The following KALRN variants were observed in gnomAD, a reference collection of about 807,000 sequenced individuals.
KALRN encodes kalirin RhoGEF kinase, also known as kalirin.
In KALRN, 70 loss-of-function variants were observed where a neutral mutation model predicts 353.7. The ratio of observed to expected loss-of-function variants is 0.20; its 90% CI spans 0.16 to 0.24. The LOEUF is 0.24. Among genes scored for constraint, KALRN ranks in the 10% least tolerant of loss-of-function variants. KALRN has a pLI of 1.00. For synonymous variants in KALRN, 1,391 were observed against 1,434.8 expected (o/e 0.97, Z 0.69); for missense variants, 2,791 against 3,756.7 (o/e 0.74, Z 6.72).
intron 33 of KALRN, among the ~76,000 whole-genome samples, chr3:124,513,464 G>A (rs556635672): frequency 7.0e-4 from 107 of 152,278 alleles, no homozygotes; most frequent in Admixed American, 1.2e-3. Flanking sequence ...TAGGGAAAGC[G>A]TTTGCCACTG....
At chr3:124,400,705 T>G (rs1341656053) in intron 13 of KALRN, among the ~76,000 whole-genome samples, 1 of 152,204 alleles carries the variant, frequency 6.6e-6, no homozygotes, top group Non-Finnish European at 1.5e-5. Flanking sequence ...TAATATGGAT[T>G]GAGATGTACA....
chr3:124,329,782 A>G lies in KALRN; in HGVS notation c.1285-79A>G, dbSNP rs1287633857. ...AAGTCCTGATGTTTCTTCCCAAGGT[A>G]TCTGACCCTCTCTCCATAATCCACC... On this transcript the variant is annotated intron_variant, in intron 7 of 59. Transcript: ENST00000682506. 5 of 1,500,836 alleles carry G rather than the reference A, an allele frequency of 3.3e-6. No individual in the cohort carries two copies. The East Asian group carries it at 1.2e-4, about 35-fold the overall frequency. The allele number at this position is 1,500,836 out of a possible 1,614,324, so 93.0% of individuals were successfully genotyped here. A position where few individuals can be genotyped will look rare whatever the true frequency, so the allele number is the denominator to read the frequency against.
intron 1 of KALRN, among the ~76,000 whole-genome samples, chr3:124,212,235 T>A (rs1313423112): frequency 1.3e-5 from 2 of 149,346 alleles, no homozygotes; most frequent in East Asian, 1.9e-4. Flanking sequence ...AAAAAAAAAA[T>A]GAAATATCCC....
chr3:124,066,201 C>G (rs529949988), intron 1 of KALRN, among the ~76,000 whole-genome samples: 5 of 152,164 alleles, frequency 3.3e-5, no homozygotes, highest in African/African-American at 1.2e-4. Flanking sequence ...AGAGTTCTAG[C>G]CATTATGATT....
In KALRN at chr3:124,462,528, A is replaced by G; in HGVS notation, c.3926A>G (p.Tyr1309Cys). The G allele has an allele frequency of 6.3e-7, 1 of 1,592,952 alleles. No individual in the cohort carries two copies. The change falls in exon 25 of 60, where the codon TAC (tyrosine) becomes TGC (cysteine). Residue 1309 changes from tyrosine to cysteine, a missense_variant. Tyr to Cys is a radical substitution (Grantham distance 194). Transcript: ENST00000682506. ...VRDLHECLET[Y>C]LWEMTSGVEE... Reference sequence around the variant, plus strand: ...GAAACTGTTACTGTCTTACAGACCTACCTGTGGGAAATGACCAGTGGTGTG... The same window carrying G: ...GAAACTGTTACTGTCTTACAGACCTGCCTGTGGGAAATGACCAGTGGTGTG...
chr3:124,457,441 A>C (rs1373797683), intron 23 of KALRN, among the ~76,000 whole-genome samples: 1 of 152,144 alleles, frequency 6.6e-6, no homozygotes, highest in Non-Finnish European at 1.5e-5. Context: ...TTATTTGCAA[A>C]AACTTCCCAT....
intron 1 of KALRN, among the ~76,000 whole-genome samples, chr3:124,086,717 G>A (rs774782245): frequency 2.6e-5 from 4 of 152,052 alleles, no homozygotes; most frequent in Admixed American, 6.5e-5. Context: ...TACTCACAGT[G>A]TTCAAAAATT....
At chr3:124,057,030 A>G (rs1024765646) in intron 1 of KALRN, among the ~76,000 whole-genome samples, 4 of 152,190 alleles carry the variant, frequency 2.6e-5, no homozygotes, top group Non-Finnish European at 5.9e-5. Flanking sequence ...TTTTCCCCAG[A>G]GTTATCCATG....
chr3:124,189,184 T>C (rs2074599458), intron 1 of KALRN, among the ~76,000 whole-genome samples: 2 of 152,154 alleles, frequency 1.3e-5, no homozygotes, highest in Admixed American at 1.3e-4. Flanking sequence ...TGGAGAACTG[T>C]CTCCCAACAT....
chr3:124,603,609 G>C (rs2077029325), intron 34 of KALRN, among the ~76,000 whole-genome samples: 1 of 152,110 alleles, frequency 6.6e-6, no homozygotes, highest in South Asian at 2.1e-4. Flanking sequence ...AGCTGTGTCT[G>C]ACCTATAGGG....
intron 33 of KALRN, among the ~76,000 whole-genome samples, chr3:124,513,434 AG>A (rs2066171891): frequency 6.6e-6 from 1 of 152,098 alleles, no homozygotes; most frequent in Admixed American, 6.6e-5. Context: ...CCAGGTCAGG[AG>A]GACACAGAGA....
intron 1 of KALRN, among the ~76,000 whole-genome samples, chr3:124,196,458 A>G (rs1169231091): frequency 6.6e-6 from 1 of 152,234 alleles, no homozygotes; most frequent in East Asian, 1.9e-4. Context: ...AGTGACAGCC[A>G]GGAATTTTTT....
At chr3:124,170,831 C>CTTTTTTTTTTTT (rs752783614) in intron 1 of KALRN, among the ~76,000 whole-genome samples, 9 of 47,148 alleles carry the variant, frequency 1.9e-4, no homozygotes, top group African/African-American at 4.8e-4. Flanking sequence ...CTTCCACATT[C>CTTTTTTTTTTTT]TTTTTTTTTT....
intron 27 of KALRN, among the ~76,000 whole-genome samples, chr3:124,479,242 C>T (rs1195288588): frequency 1.3e-5 from 2 of 152,154 alleles, no homozygotes; most frequent in Non-Finnish European, 2.9e-5. Flanking sequence ...CCCAAATTTC[C>T]CACCCTATAC....
chr3:124,457,846 A>C (rs2059472932), intron 23 of KALRN, among the ~76,000 whole-genome samples: 1 of 152,158 alleles, frequency 6.6e-6, no homozygotes, highest in Admixed American at 6.5e-5. Context: ...TAATGATAAA[A>C]CTCAAGGTAC....
intron 5 of KALRN, among the ~76,000 whole-genome samples, chr3:124,285,913 C>A (rs1418905166): frequency 1.3e-5 from 2 of 152,122 alleles, no homozygotes; most frequent in Non-Finnish European, 2.9e-5. Context: ...TAGTGGCAAA[C>A]CAACTGGACA....
At chr3:124,203,555 C>T (rs891360514) in intron 1 of KALRN, among the ~76,000 whole-genome samples, 6 of 152,158 alleles carry the variant, frequency 3.9e-5, no homozygotes, top group Non-Finnish European at 8.8e-5. Context: ...TGGAGGGACC[C>T]AGGCAGCAGC....
intron 11 of KALRN, among the ~76,000 whole-genome samples, chr3:124,393,481 T>G (rs574075446): frequency 2.6e-5 from 4 of 152,216 alleles, no homozygotes; most frequent in Non-Finnish European, 5.9e-5. Context: ...GTATCCCAGC[T>G]TATATGGTCT....
At chr3:124,538,586 G>C (rs2068737303) in intron 33 of KALRN, among the ~76,000 whole-genome samples, 1 of 152,210 alleles carries the variant, frequency 6.6e-6, no homozygotes, top group Non-Finnish European at 1.5e-5. Context: ...TGGTGGAGCA[G>C]GAGGGAGACA....
Sources: allele counts gnomAD v4.1 joint callset (sites outside exome capture counted in the v4.1 genomes callset), GRCh38; gene constraint gnomAD v4.1.1; transcripts MANE v1.5; gene names NCBI Gene and HGNC (gene_info 2026-07-23, HGNC 2026-07-21).